ARB2A: variants seen among roughly 807,000 people sequenced by gnomAD.
ARB2A encodes cotranscriptional regulator ARB2A.
chr5:93,712,604 C>T, the ARB2A span, among the ~76,000 whole-genome samples: 4 of 152,028 alleles, frequency 2.6e-5, no homozygotes, highest in East Asian at 3.9e-4. Flanking sequence ...GTCACAAATA[C>T]AGAATCAATA....
chr5:93,715,102 C>T, the ARB2A span, among the ~76,000 whole-genome samples: 1 of 152,044 alleles, frequency 6.6e-6, no homozygotes, highest in Non-Finnish European at 1.5e-5. Context: ...GAGGATTGTA[C>T]TCTACTTATA....
the ARB2A span, among the ~76,000 whole-genome samples, chr5:94,066,510 AT>A: frequency 2.6e-5 from 4 of 151,820 alleles, no homozygotes; most frequent in African/African-American, 9.7e-5. Flanking sequence ...TGATAAAGGA[AT>A]CAATACAATT....
At chr5:93,904,779 T>C in the ARB2A span, among the ~76,000 whole-genome samples, 1 of 151,720 alleles carries the variant, frequency 6.6e-6, no homozygotes, top group South Asian at 2.1e-4. Flanking sequence ...GATTTTGAAC[T>C]CTTATAAGAG....
the ARB2A span, among the ~76,000 whole-genome samples, chr5:93,731,613 C>T: frequency 6.6e-6 from 1 of 152,276 alleles, no homozygotes; most frequent in South Asian, 2.1e-4. Flanking sequence ...ACTACTCAAT[C>T]AATAATACTC....
chr5:93,967,929 A>G, the ARB2A span, among the ~76,000 whole-genome samples: 2 of 152,106 alleles, frequency 1.3e-5, no homozygotes, highest in Middle Eastern at 3.2e-3. Context: ...AGGGGATTAC[A>G]GCTAAAATAA....
chr5:94,054,050 T>C, the ARB2A span, among the ~76,000 whole-genome samples: 1 of 152,232 alleles, frequency 6.6e-6, no homozygotes, highest in African/African-American at 2.4e-5. Context: ...ATTACAGGCT[T>C]AGCCGCCATG....
At chr5:93,989,072 C>T in the ARB2A span, among the ~76,000 whole-genome samples, 2 of 152,108 alleles carry the variant, frequency 1.3e-5, no homozygotes, top group Non-Finnish European at 2.9e-5. Flanking sequence ...AAACTAACTA[C>T]AAAAGATGGT....
the ARB2A span, among the ~76,000 whole-genome samples, chr5:93,832,180 T>C: frequency 6.6e-6 from 1 of 151,964 alleles, no homozygotes. Context: ...CCTCCGAGGA[T>C]TTACTATCTT....
chr5:93,837,153 C>T, the ARB2A span, among the ~76,000 whole-genome samples: 2 of 151,950 alleles, frequency 1.3e-5, no homozygotes, highest in Non-Finnish European at 2.9e-5. Flanking sequence ...TCAAGTAGGC[C>T]CTTTTTGTGT....
chr5:93,851,156 T>A, the ARB2A span, among the ~76,000 whole-genome samples: 1 of 152,218 alleles, frequency 6.6e-6, no homozygotes, highest in Non-Finnish European at 1.5e-5. Context: ...GGTATTCCTT[T>A]TCCTTTATTA....
chr5:93,778,773 A>G, the ARB2A span, among the ~76,000 whole-genome samples: 1 of 152,176 alleles, frequency 6.6e-6, no homozygotes, highest in East Asian at 1.9e-4. Context: ...TTCTAGTATT[A>G]ATATAAGTGA....
At chr5:94,107,809 T>C in the ARB2A span, among the ~76,000 whole-genome samples, 659 of 152,304 alleles carry the variant, frequency 4.3e-3, 4 homozygotes, top group Non-Finnish European at 5.9e-3. Flanking sequence ...ACATACATTA[T>C]TTGATATACA....
At chr5:93,794,095 A>C in the ARB2A span, among the ~76,000 whole-genome samples, 1 of 152,148 alleles carries the variant, frequency 6.6e-6, no homozygotes, top group African/African-American at 2.4e-5. Flanking sequence ...ACAGGCCATA[A>C]CAGAAATTAT....
the ARB2A span, among the ~76,000 whole-genome samples, chr5:93,680,655 A>G: frequency 6.6e-6 from 1 of 152,186 alleles, no homozygotes; most frequent in Non-Finnish European, 1.5e-5. Flanking sequence ...TTTAGAGATT[A>G]CAATGATGGT....
At chr5:93,885,103 A>C in the ARB2A span, among the ~76,000 whole-genome samples, 1 of 151,600 alleles carries the variant, frequency 6.6e-6, no homozygotes, top group African/African-American at 2.4e-5. Flanking sequence ...AATAATATCA[A>C]CTTCCTCAAA....
the ARB2A span, among the ~76,000 whole-genome samples, chr5:93,908,273 T>C: frequency 6.6e-6 from 1 of 151,122 alleles, no homozygotes; most frequent in Admixed American, 6.6e-5. Flanking sequence ...ATAAAATATA[T>C]TAAGCTATAA....
the ARB2A span, among the ~76,000 whole-genome samples, chr5:93,828,905 T>C: frequency 4.6e-5 from 7 of 152,146 alleles, no homozygotes; most frequent in African/African-American, 1.7e-4. Context: ...GCCTCCCAAG[T>C]AGCTGGGGTT....
chr5:93,850,592 G>A, the ARB2A span, among the ~76,000 whole-genome samples: 1 of 152,146 alleles, frequency 6.6e-6, no homozygotes, highest in African/African-American at 2.4e-5. Context: ...TGTGAGCAGT[G>A]AAGTTTTTTT....
chr5:93,872,509 G>A, the ARB2A span, among the ~76,000 whole-genome samples: 3 of 152,070 alleles, frequency 2.0e-5, no homozygotes, highest in African/African-American at 4.8e-5. Flanking sequence ...GCAGAGCTTC[G>A]GTCTTTATCA....
Sources: gnomAD v4.1 joint callset for allele counts (sites outside exome capture counted in the v4.1 genomes callset) on GRCh38, gnomAD v4.1.1 for gene constraint, MANE v1.5 for transcripts, NCBI Gene and HGNC (gene_info 2026-07-23, HGNC 2026-07-21) for gene names.